AP1AR: variants seen among roughly 807,000 people sequenced by gnomAD.
AP1AR encodes the protein adaptor related protein complex 1 associated regulatory protein.
In AP1AR, 29 loss-of-function variants were observed where a neutral mutation model predicts 46.3. That is an observed-to-expected ratio of 0.63 (90% CI 0.47 to 0.85). The LOEUF is 0.85. Ranked by LOEUF, AP1AR falls within the 40% of genes least tolerant of loss-of-function variation. The pLI is 0.00. For missense variants in AP1AR, 357 were observed against 356.3 expected, an observed-to-expected ratio of 1.00 and a Z score of -0.02; for synonymous variants, 122 against 122.9, an observed-to-expected ratio of 0.99 and a Z score of 0.05.
At chr4:112,244,439 C>T (rs184052337) in intron 1 of AP1AR, among the ~76,000 whole-genome samples, 56 of 152,272 alleles carry the variant, frequency 3.7e-4, no homozygotes, top group African/African-American at 1.1e-3. Flanking sequence ...ATATAATACC[C>T]AGGCTTTCTT....
intron 1 of AP1AR, among the ~76,000 whole-genome samples, chr4:112,238,497 G>A (rs1382121862): frequency 6.6e-6 from 1 of 151,982 alleles, no homozygotes; most frequent in Non-Finnish European, 1.5e-5. Context: ...GTCAGCATTA[G>A]AAGATTTATT....
intron 1 of AP1AR, among the ~76,000 whole-genome samples, chr4:112,238,042 C>T (rs2110466174): frequency 6.6e-6 from 1 of 152,360 alleles, no homozygotes; most frequent in East Asian, 1.9e-4. Context: ...GACAGCATTT[C>T]AACAAATGAG....
At chr4:112,233,072 A>G (rs1212396876) in intron 1 of AP1AR, among the ~76,000 whole-genome samples, 1 of 152,222 alleles carries the variant, frequency 6.6e-6, no homozygotes, top group Admixed American at 6.5e-5. Flanking sequence ...ATCTGAACCA[A>G]GCCAGTTTGT....
In AP1AR at chr4:112,271,430, A is replaced by C. The variant is rs536923959; in HGVS notation, c.*3021A>C. Among the ~76,000 whole-genome samples, 1 of 152,254 alleles carries C rather than the reference A, an allele frequency of 6.6e-6. No homozygotes were observed. Among genetic ancestry groups the C allele is most frequent in the African/African-American group, 2.4e-5 (1 of 41,472 alleles). ...GAGCTATTTCTACTTGTCATCTGTC[A>C]TCTTGTCCCCTTGGTTCAGTGTCAT... On this transcript the variant is annotated 3_prime_UTR_variant, in exon 10 of 10. Transcript: ENST00000274000.
intron 1 of AP1AR, among the ~76,000 whole-genome samples, chr4:112,249,359 T>TA (rs34100698): frequency 0.57 from 84,296 of 147,816 alleles, 24,470 homozygotes; most frequent in African/African-American, 0.72. Context: ...TACTTTTCTT[T>TA]AAAAAAAAAA....
intron 1 of AP1AR, among the ~76,000 whole-genome samples, chr4:112,250,157 A>G (rs1725894340): frequency 6.6e-6 from 1 of 152,174 alleles, no homozygotes; most frequent in Non-Finnish European, 1.5e-5. Flanking sequence ...TCTCATCCTT[A>G]CCTAGGAGCA....
intron 3 of AP1AR, among the ~76,000 whole-genome samples, chr4:112,255,783 G>A (rs1257410064): frequency 6.6e-6 from 1 of 152,198 alleles, no homozygotes; most frequent in African/African-American, 2.4e-5. Context: ...TCAGCAAATT[G>A]TGTATATTTC....
At chr4:112,263,681 C>T (rs1036422683) in intron 6 of AP1AR, among the ~76,000 whole-genome samples, 3 of 152,064 alleles carry the variant, frequency 2.0e-5, no homozygotes, top group African/African-American at 4.8e-5. Flanking sequence ...TACCATAATG[C>T]CTGGCAGCTG....
rs1439349246 is a variant in AP1AR, at chr4:112,269,235, C to A, written c.*826C>A. 6.6e-6 allele frequency: 1 copy of A among 151,958 alleles called. No individual in the cohort carries two copies. Among genetic ancestry groups the A allele is most frequent in the Non-Finnish European group, 1.5e-5 (1 of 67,768 alleles). The allele number at this position is 151,958 out of a possible 1,614,324, so 9.4% of individuals were successfully genotyped here. A position where few individuals can be genotyped will look rare whatever the true frequency, so the allele number is the denominator to read the frequency against. ...TTCCAATGAACGATGTTAGATTTTA[C>A]ACAGAACATATTCTCTGCATGATTT... On this transcript the variant is annotated 3_prime_UTR_variant, in exon 10 of 10. Transcript: ENST00000274000.
intron 2 of AP1AR, 76 bp downstream of exon 2, chr4:112,253,332 A>G: frequency 9.1e-7 from 1 of 1,099,874 alleles, no homozygotes; most frequent in Non-Finnish European, 1.4e-6. Flanking sequence ...TAAAGAGGGA[A>G]AGATCTGGAC....
intron 1 of AP1AR, among the ~76,000 whole-genome samples, chr4:112,249,962 T>C (rs1175658141): frequency 6.6e-6 from 1 of 152,222 alleles, no homozygotes; most frequent in Non-Finnish European, 1.5e-5. Context: ...AATTGTTAGC[T>C]CCAAGGTGGC....
intron 1 of AP1AR, among the ~76,000 whole-genome samples, chr4:112,244,232 T>G (rs542848243): frequency 6.6e-6 from 1 of 152,318 alleles, no homozygotes; most frequent in East Asian, 1.9e-4. Flanking sequence ...ACTTGAAATT[T>G]AGTGCATTTG....
At chr4:112,232,614 T>C (rs547070602) in intron 1 of AP1AR, among the ~76,000 whole-genome samples, 2 of 152,216 alleles carry the variant, frequency 1.3e-5, no homozygotes, top group Non-Finnish European at 2.9e-5. Context: ...CCGGAGTTAA[T>C]GCCTCAGATT....
In AP1AR at chr4:112,255,807, A is replaced by C. The variant is rs1726176386; in HGVS notation, c.159+1034A>C. 3.3e-5 allele frequency among the ~76,000 whole-genome samples: 5 copies of C among 152,232 alleles called. No homozygotes were observed. The South Asian group carries it at 1.0e-3, about 31-fold the overall frequency. On this transcript the variant is annotated intron_variant, in intron 3 of 9. Transcript: ENST00000274000. ...TGTGTATATTTCAACATTTGATCTT[A>C]GTCAAAAGGCTAAGAAGCATTTCTT...
Position 112,242,321 on chromosome 4 carries a change from G to A in AP1AR, c.83+10147G>A, listed in dbSNP as rs114232710. Among the ~76,000 whole-genome samples the A allele has an allele frequency of 5.0e-3, 763 of 152,100 alleles. 12 individuals carry two copies. The highest frequency in any genetic ancestry group is 0.018 in the African/African-American group (742 of 41,476). On this transcript the variant is annotated intron_variant, in intron 1 of 9. Transcript: ENST00000274000. ...CCAAATTTCTGTATATGCCTCCATCGTTCAGAGTATTATTCTCCAGGAACC... is the reference window on the plus strand; with the variant it reads ...CCAAATTTCTGTATATGCCTCCATCATTCAGAGTATTATTCTCCAGGAACC...
rs753142668 is a variant in AP1AR, at chr4:112,265,073, T to C, written c.440+6T>C. The stretch of plus-strand genomic sequence containing the variant: ...AACAATGGAGAATATCAAAGGTAAA[T>C]AGTGAAACATATGCCTCCTTCCCTT... On this transcript the variant is annotated splice_donor_region_variant and intron_variant, in intron 7 of 9. Transcript: ENST00000274000. 5 of 1,595,894 alleles carry C rather than the reference T, an allele frequency of 3.1e-6. No individual in the cohort carries two copies. The highest frequency in any genetic ancestry group is 4.3e-6 in the Non-Finnish European group (5 of 1,172,504).
At chr4:112,246,096 T>C (rs1343314207) in intron 1 of AP1AR, among the ~76,000 whole-genome samples, 1 of 152,176 alleles carries the variant, frequency 6.6e-6, no homozygotes, top group Non-Finnish European at 1.5e-5. Context: ...ACTTCATTCT[T>C]GAAAATATTC....
chr4:112,261,737 G>A (rs1726451815), intron 5 of AP1AR, among the ~76,000 whole-genome samples: 1 of 151,762 alleles, frequency 6.6e-6, no homozygotes, highest in African/African-American at 2.4e-5. Flanking sequence ...GGGAGACTGA[G>A]GTGGACAGAT....
In AP1AR at chr4:112,232,010, C is replaced by T; in HGVS notation, c.-82C>T. The T allele has an allele frequency of 1.6e-6, 2 of 1,246,638 alleles. No homozygotes were observed. The highest frequency in any genetic ancestry group is 1.0e-6 in the Non-Finnish European group (1 of 969,498). The allele number at this position is 1,246,638 out of a possible 1,614,324, so 77.2% of individuals were successfully genotyped here. On this transcript the variant is annotated 5_prime_UTR_variant, in exon 1 of 10. Transcript: ENST00000274000. ...TCCTTGAACCCCATTTCGGCTCGTG[C>T]CGTGCGGATGCAGCTGCCGGGCCTG...
Sources: allele counts gnomAD v4.1 joint callset (sites outside exome capture counted in the v4.1 genomes callset), GRCh38; gene constraint gnomAD v4.1.1; transcripts MANE v1.5; gene names NCBI Gene and HGNC (gene_info 2026-07-23, HGNC 2026-07-21).